The following LDLRAD4 variants were observed in gnomAD, a reference collection of about 807,000 sequenced individuals.
LDLRAD4 encodes the protein low-density lipoprotein receptor class A domain-containing protein 4.
In LDLRAD4, 5 loss-of-function variants were observed where a neutral mutation model predicts 17.0. That is an observed-to-expected ratio of 0.29 (90% CI 0.15 to 0.62). LDLRAD4 has a LOEUF of 0.62. Ranked by LOEUF, LDLRAD4 falls within the 20% of genes least tolerant of loss-of-function variation. The pLI, the probability that LDLRAD4 is intolerant of heterozygous loss-of-function variation, is 0.84. For missense variants in LDLRAD4, 340 were observed against 424.7 expected, an observed-to-expected ratio of 0.80 and a Z score of 1.75; for synonymous variants, 168 against 171.8, an observed-to-expected ratio of 0.98 and a Z score of 0.17.
chr18:13,474,809 C>T (rs2092896744), intron 3 of LDLRAD4, among the ~76,000 whole-genome samples: 2 of 152,168 alleles, frequency 1.3e-5, no homozygotes, highest in South Asian at 2.1e-4. Flanking sequence ...ATGTCTGACT[C>T]GGGATTTTTG....
rs117672557 is a variant in LDLRAD4, at chr18:13,453,039, G to A, written c.181+14655G>A. ...GCTTGTGCTCTGCTCAGCATGGGGAGCACCGCAGGGGTGCACATGAGCGAG... is the reference window on the plus strand; with the variant it reads ...GCTTGTGCTCTGCTCAGCATGGGGAACACCGCAGGGGTGCACATGAGCGAG... On this transcript the variant is annotated intron_variant, in intron 3 of 5. Coordinates refer to ENST00000359446, the Ensembl canonical transcript of LDLRAD4. Among the ~76,000 whole-genome samples, 111 of 152,328 alleles carry A rather than the reference G, an allele frequency of 7.3e-4. No individual in the cohort carries two copies. In the East Asian group the frequency reaches 0.015, roughly 20 times the overall value.
At position 13,232,009 on chromosome 18, in the gene LDLRAD4, C is replaced by T. The variant is rs9945388; in HGVS notation, c.-467+13021C>T. ...GTGGCTGGGCAGGCACCCACCTAGT[C>T]GATGTCATTTTGGGAGGTCAAGGGT... On this transcript the variant is annotated intron_variant, in intron 1 of 5. Transcript: ENST00000399848. Among the ~76,000 whole-genome samples, 667 of 152,280 alleles carry T rather than the reference C, an allele frequency of 4.4e-3. 4 individuals are homozygous for T. The highest frequency in any genetic ancestry group is 0.015 in the African/African-American group (641 of 41,544).
chr18:13,284,046 C>T (rs754473698), intron 1 of LDLRAD4, among the ~76,000 whole-genome samples: 4 of 152,076 alleles, frequency 2.6e-5, no homozygotes, highest in Non-Finnish European at 5.9e-5. Context: ...GTCCCTCCCA[C>T]GATATGTGGG....
chr18:13,347,955 T>C (rs2082796221), intron 1 of LDLRAD4, among the ~76,000 whole-genome samples: 1 of 152,210 alleles, frequency 6.6e-6, no homozygotes, highest in Non-Finnish European at 1.5e-5. Context: ...GCATTGGTTA[T>C]TCTAGTTAGC....
intron 3 of LDLRAD4, among the ~76,000 whole-genome samples, chr18:13,477,802 G>A (rs1029980908): frequency 2.6e-5 from 4 of 152,178 alleles, no homozygotes; most frequent in African/African-American, 9.7e-5. Context: ...TCTGATGCAG[G>A]CCCTGCTGAC....
At chr18:13,521,846 T>G (rs186401675) in intron 3 of LDLRAD4, 1 of 150,058 alleles carries the variant, frequency 6.7e-6, no homozygotes, top group Non-Finnish European at 1.5e-5. Context: ...GCACTGTAAT[T>G]TGAAATCTAG....
chr18:13,487,334 T>G (rs1407978029), intron 3 of LDLRAD4: 2 of 152,274 alleles, frequency 1.3e-5, no homozygotes, highest in East Asian at 3.9e-4. Flanking sequence ...CCCTTGCTGT[T>G]GGGTCGGGGA....
chr18:13,318,139 A>G (rs936877618), intron 1 of LDLRAD4, among the ~76,000 whole-genome samples: 2 of 152,196 alleles, frequency 1.3e-5, no homozygotes, highest in African/African-American at 4.8e-5. Context: ...GGTTCAGCGC[A>G]GGGGTCCCTT....
intron 1 of LDLRAD4, among the ~76,000 whole-genome samples, chr18:13,225,838 A>C (rs1238716935): frequency 6.6e-6 from 1 of 152,172 alleles, no homozygotes; most frequent in Non-Finnish European, 1.5e-5. Flanking sequence ...AATATTTTTC[A>C]TGTGATTTAA....
At chr18:13,470,563 A>G (rs956537355) in intron 3 of LDLRAD4, among the ~76,000 whole-genome samples, 1 of 146,124 alleles carries the variant, frequency 6.8e-6, no homozygotes, top group East Asian at 2.0e-4. Flanking sequence ...CCTGTCTGGC[A>G]TCTAGTATGA....
At chr18:13,626,776 G>A (rs2041209023) in intron 4 of LDLRAD4, among the ~76,000 whole-genome samples, 1 of 152,212 alleles carries the variant, frequency 6.6e-6, no homozygotes, top group Non-Finnish European at 1.5e-5. Context: ...AGGGGCCCTG[G>A]CTGTTGCGGA....
intron 4 of LDLRAD4, among the ~76,000 whole-genome samples, chr18:13,633,690 A>C (rs2041861299): frequency 6.6e-6 from 1 of 152,232 alleles, no homozygotes; most frequent in South Asian, 2.1e-4. Context: ...AAATTGGAGC[A>C]GGCAGCAGGA....
At chr18:13,232,485 GGCT>G (rs2042128085) in intron 1 of LDLRAD4, among the ~76,000 whole-genome samples, 1 of 150,902 alleles carries the variant, frequency 6.6e-6, no homozygotes, top group African/African-American at 2.5e-5. Flanking sequence ...CTTGTCCGGG[GGCT>G]GCTGCTGCCC....
At chr18:13,254,693 T>G (rs374667621) in intron 1 of LDLRAD4, among the ~76,000 whole-genome samples, 1 of 152,244 alleles carries the variant, frequency 6.6e-6, no homozygotes, top group African/African-American at 2.4e-5. Context: ...CTGGGCGTGG[T>G]GGCCCACACC....
chr18:13,380,134 C>T (rs889713627), intron 1 of LDLRAD4, among the ~76,000 whole-genome samples: 27 of 152,198 alleles, frequency 1.8e-4, no homozygotes, highest in Non-Finnish European at 1.5e-4. Context: ...GTGCTCAGAC[C>T]GGGCTCAGAC....
chr18:13,419,939 G>A (rs2089293287), intron 2 of LDLRAD4: 2 of 152,212 alleles, frequency 1.3e-5, no homozygotes, highest in Admixed American at 1.3e-4. Context: ...AGAGCTATGG[G>A]TGAGGAGAGG....
intron 3 of LDLRAD4, among the ~76,000 whole-genome samples, chr18:13,594,340 T>G (rs2095065022): frequency 6.6e-6 from 1 of 152,030 alleles, no homozygotes; most frequent in African/African-American, 2.4e-5. Context: ...TGTCAGGCAA[T>G]GTTGTTTGTG....
upstream of LDLRAD4, among the ~76,000 whole-genome samples, chr18:13,274,010 A>G (rs1346303184): frequency 1.3e-5 from 2 of 152,044 alleles, no homozygotes; most frequent in African/African-American, 4.8e-5. Context: ...GGATGCCCCG[A>G]TGCCTGGTGC....
rs187025324 is a variant in LDLRAD4, at chr18:13,604,554, T to G, written c.182-16563T>G. Among the ~76,000 whole-genome samples the G allele has an allele frequency of 3.3e-5, 5 of 152,342 alleles. No individual in the cohort carries two copies. In the East Asian group the frequency reaches 9.6e-4, roughly 29 times the overall value. On this transcript the variant is annotated intron_variant, in intron 3 of 5. Coordinates refer to ENST00000359446, the Ensembl canonical transcript of LDLRAD4. ...AACTGAGAACTAGAATAGCAGTATC[T>G]AACTCCTGAGTTAATAAACATCTCG...
Sources: gnomAD v4.1 joint callset for allele counts (sites outside exome capture counted in the v4.1 genomes callset) on GRCh38, gnomAD v4.1.1 for gene constraint, MANE v1.5 for transcripts, NCBI Gene and HGNC (gene_info 2026-07-23, HGNC 2026-07-21) for gene names.